The following TLE2 variants were observed in gnomAD, a reference collection of about 807,000 sequenced individuals.
The protein encoded by TLE2 is TLE family member 2, transcriptional corepressor.
A neutral mutation model predicts 97.2 loss-of-function variants in TLE2; 74 were observed. The observed-to-expected ratio is 0.76, with a 90% CI of 0.63 to 0.92. The LOEUF (loss-of-function observed/expected upper bound fraction) is 0.92, where lower values mean the gene tolerates loss of function less well. Ranked by LOEUF, TLE2 falls within the 40% of genes least tolerant of loss-of-function variation. The pLI is 0.00. For missense variants in TLE2, 1,038 were observed against 1,008.7 expected (o/e 1.03, Z -0.39); for synonymous variants, 499 against 432.1 (o/e 1.15, Z -1.92).
rs1214643408 is a variant in TLE2 at position 2,997,757 on chromosome 19, G to A, written c.*91C>T. On this transcript the variant is annotated 3_prime_UTR_variant, in exon 20 of 20. Transcript: ENST00000262953. ...AGCAGATGGGATGTACGGTTCCTAG[G>A]CAGGGCTGGGAGGCGGCTGCTAGGA... 1 of 905,582 alleles carries A rather than the reference G, an allele frequency of 1.1e-6. No homozygotes were observed. The highest frequency in any genetic ancestry group is 1.8e-6 in the Non-Finnish European group (1 of 564,324). The allele number at this position is 905,582 out of a possible 1,614,324, so 56.1% of individuals were successfully genotyped here.
rs767029767 is a variant in TLE2 at position 3,009,522 on chromosome 19, G to GC, written c.1173+19dup. ...CCTGGGCCCTGCTGACACCTCCTGCGCCCCCACCCAAGGACTCACCACGGG... is the reference window on the plus strand; with the variant it reads ...CCTGGGCCCTGCTGACACCTCCTGCGCCCCCCACCCAAGGACTCACCACGGG... On this transcript the variant is annotated intron_variant, in intron 13 of 19. Coordinates refer to ENST00000262953, the MANE Select transcript of TLE2 (RefSeq NM_003260.5). 9.6e-6 allele frequency: 15 copies of GC among 1,569,508 alleles called. No homozygotes were observed.
chr19:3,028,644 A>G, intron 2 of TLE2, 62 bp downstream of exon 2: 2 of 1,558,576 alleles, frequency 1.3e-6, no homozygotes, highest in African/African-American at 1.4e-5. Flanking sequence ...TATACCCCGG[A>G]GGCCTCGCCC....
intron 11 of TLE2, among the ~76,000 whole-genome samples, chr19:3,013,097 G>C (rs2089630600): frequency 6.6e-6 from 1 of 152,150 alleles, no homozygotes; most frequent in Non-Finnish European, 1.5e-5. Flanking sequence ...ACTCTTCCCT[G>C]GTAAGTGTAG....
Position 3,014,555 on chromosome 19 carries a change from G to A in TLE2, c.723+15C>T. Reference sequence around the variant, plus strand: ...GTGCCCAGAGTCGGGGAAGAGGCTGGACCCCTGGACTCACCTCGTCCACCA... The same window carrying A: ...GTGCCCAGAGTCGGGGAAGAGGCTGAACCCCTGGACTCACCTCGTCCACCA... On this transcript the variant is annotated intron_variant, in intron 10 of 19. Coordinates refer to ENST00000262953, the MANE Select transcript of TLE2 (RefSeq NM_003260.5). The A allele has an allele frequency of 1.3e-6, 2 of 1,569,270 alleles. No individual in the cohort carries two copies. Among genetic ancestry groups the A allele is most frequent in the Non-Finnish European group, 1.7e-6 (2 of 1,156,572 alleles).
chr19:3,031,819 C>T (rs924415146), upstream of TLE2, among the ~76,000 whole-genome samples: 6 of 152,172 alleles, frequency 3.9e-5, no homozygotes, highest in African/African-American at 1.4e-4. Context: ...AGAACGGCCC[C>T]TCCTAGCCAC....
upstream of TLE2, among the ~76,000 whole-genome samples, chr19:3,032,559 G>C (rs985498645): frequency 6.6e-6 from 1 of 152,154 alleles, no homozygotes. The surrounding 1 kb of genome is among the most constrained non-coding windows in gnomAD (Gnocchi z 4.1). Context: ...TTGGATGTGA[G>C]TATGTTTACT....
At chr19:3,011,518 C>T (rs940910765) in intron 11 of TLE2, among the ~76,000 whole-genome samples, 2 of 119,234 alleles carry the variant, frequency 1.7e-5, no homozygotes, top group East Asian at 2.5e-4. Context: ...GGAGACAGAG[C>T]GACTCCATCT....
intron 5 of TLE2, among the ~76,000 whole-genome samples, chr19:3,023,901 C>T (rs1272683843): frequency 1.4e-5 from 2 of 145,572 alleles, no homozygotes; most frequent in East Asian, 4.1e-4. Context: ...CACACACACA[C>T]ACACACAAAA....
chr19:3,028,419 C>T, intron 2 of TLE2, 37 bp from the exon 3 acceptor site: 1 of 1,562,170 alleles, frequency 6.4e-7, no homozygotes, highest in East Asian at 2.3e-5. Context: ...CTCCCACCCG[C>T]CCCATGTGGG....
rs767183045 is a variant in TLE2 at position 3,045,115 on chromosome 19, G to A, written c.63+611C>T. 7.9e-5 allele frequency among the ~76,000 whole-genome samples: 12 copies of A among 152,288 alleles called. No homozygotes were observed. In the South Asian group the frequency reaches 1.0e-3, roughly 13 times the overall value. On this transcript the variant is annotated intron_variant, in intron 1 of 18. Transcript: ENST00000426948. ...TGTAGTCTTGGCTACTTAGGAGGCC[G>A]ACATGGGAGGATCACCTGAGCCCGG...
chr19:3,006,432 C>G lies in TLE2; in HGVS notation c.1488G>C (p.Gln496His). Reference protein sequence around the residue: ...GQPGAKTPVAQLDCLNRDNYI... With the variant: ...GQPGAKTPVAHLDCLNRDNYI... ...ACCCCGCCCTCACCAGGCAGTCGAG[C>G]TGGGCCACGGGCGTCTTGGCCCCAG... The change falls in exon 15 of 20, where the codon CAG becomes CAC. Residue 496 changes from glutamine (Q) to histidine (H), a missense_variant. By Grantham distance (24) the Gln-to-His change is conservative. Coordinates refer to ENST00000262953, the MANE Select transcript of TLE2 (RefSeq NM_003260.5). 1 of 1,610,178 alleles carries G rather than the reference C, an allele frequency of 6.2e-7. No homozygotes were observed. The highest frequency in any genetic ancestry group is 8.5e-7 in the Non-Finnish European group (1 of 1,179,438).
chr19:3,022,852 G>A (rs751047646), intron 5 of TLE2, among the ~76,000 whole-genome samples: 2 of 152,146 alleles, frequency 1.3e-5, no homozygotes, highest in Non-Finnish European at 2.9e-5. Flanking sequence ...CTGCAGGCCA[G>A]AGGTCTCTGT....
At chr19:3,012,749 C>T (rs1021073278) in intron 11 of TLE2, among the ~76,000 whole-genome samples, 1 of 152,190 alleles carries the variant, frequency 6.6e-6, no homozygotes, top group Non-Finnish European at 1.5e-5. Context: ...GTTATCTCGG[C>T]TTCATGTCAT....
At chr19:3,034,830 G>A (rs1480868952) in intron 1 of TLE2, among the ~76,000 whole-genome samples, 1 of 152,130 alleles carries the variant, frequency 6.6e-6, no homozygotes, top group African/African-American at 2.4e-5. Flanking sequence ...CCAGGGAGGG[G>A]CTCCCAGAGC....
intron 17 of TLE2, among the ~76,000 whole-genome samples, 190 bp from the exon 18 acceptor site, chr19:3,002,693 G>T (rs1008969048): frequency 6.7e-6 from 1 of 150,206 alleles, no homozygotes; most frequent in African/African-American, 2.5e-5. Context: ...GCACCATCAC[G>T]CTGGATAATC....
intron 8 of TLE2, among the ~76,000 whole-genome samples, chr19:3,016,444 G>T (rs976303355): frequency 3.2e-5 from 4 of 123,530 alleles, no homozygotes; most frequent in African/African-American, 1.2e-4. Context: ...AAAAAAATTA[G>T]CCGGGCATGG....
rs1262342196 is a variant in TLE2 at position 3,019,759 on chromosome 19, C to A, written c.309G>T (p.Val103=). ...PFLTQEHQQQ[V]LQAVERAKQV... The stretch of plus-strand genomic sequence containing the variant: ...GCTTGGCGCGTTCTACGGCCTGGAG[C>A]ACCTGCTGCTGATGCTGGCGGGTGG... Residue 103 remains valine, a synonymous_variant, in exon 6 of 20, where the codon GTG becomes GTT. Coordinates refer to ENST00000262953, the MANE Select transcript of TLE2 (RefSeq NM_003260.5). This position sits in a 1 kb window ranked among gnomAD's most constrained non-coding sequence, Gnocchi z 5.1. 1.2e-6 allele frequency: 2 copies of A among 1,612,996 alleles called. No individual in the cohort carries two copies. The highest frequency in any genetic ancestry group is 2.7e-5 in the African/African-American group (2 of 74,930).
At position 3,011,152 on chromosome 19, in the gene TLE2, A is replaced by C. The variant is rs112014346; in HGVS notation, c.882T>G (p.Leu294=). ...ATTTGGAGGCAGGAGTGCTGGCGGGAAGGTCATTCTGCAGAGAAAGGGCAG... is the reference window on the plus strand; with the variant it reads ...ATTTGGAGGCAGGAGTGCTGGCGGGCAGGTCATTCTGCAGAGAAAGGGCAG... The part of the protein sequence containing the change: ...PRAKELILND[L]PASTPASKSC... Residue 294 remains leucine, a synonymous_variant, in exon 12 of 20, where the codon CTT becomes CTG. Transcript: ENST00000262953. 30 of 1,597,122 alleles carry C rather than the reference A, an allele frequency of 1.9e-5. No homozygotes were observed. The highest frequency in any genetic ancestry group is 2.3e-5 in the Non-Finnish European group (27 of 1,171,796).
At chr19:3,013,960 T>G in intron 10 of TLE2, 142 bp from the exon 11 acceptor site, 1 of 849,724 alleles carries the variant, frequency 1.2e-6, no homozygotes, top group South Asian at 5.3e-5. Context: ...AATCTTCTGC[T>G]GCCTCAGTTT....
Sources: gnomAD v4.1 joint callset for allele counts (sites outside exome capture counted in the v4.1 genomes callset) on GRCh38, gnomAD v4.1.1 for gene constraint, Gnocchi (gnomAD v3.1) non-coding constraint, MANE v1.5 for transcripts, NCBI Gene and HGNC (gene_info 2026-07-23, HGNC 2026-07-21) for gene names.